The following VAV2 variants were observed in gnomAD, a reference collection of about 807,000 sequenced individuals.
The protein encoded by VAV2 is guanine nucleotide exchange factor VAV2.
A neutral mutation model predicts 132.5 loss-of-function variants in VAV2; 67 were observed. The ratio of observed to expected loss-of-function variants is 0.51; its 90% confidence interval spans 0.42 to 0.62. The LOEUF (loss-of-function observed/expected upper bound fraction) is 0.62. VAV2 is among the 20% of genes least tolerant of loss of function. The pLI, the probability that VAV2 is intolerant of heterozygous loss-of-function variation, is 0.00. For missense variants in VAV2, 938 were observed against 1,153.6 expected (o/e 0.81, Z 2.71); for synonymous variants, 492 against 443.5 (o/e 1.11, Z -1.37).
At chr9:133,934,306 T>C (rs1376736413) in intron 2 of VAV2, among the ~76,000 whole-genome samples, 4 of 152,066 alleles carry the variant, frequency 2.6e-5, no homozygotes, top group South Asian at 4.2e-4. Context: ...CCTTAAATAA[T>C]AGGGGAAACG....
chr9:133,781,605 C>T (rs570301822), intron 19 of VAV2, among the ~76,000 whole-genome samples: 1 of 152,344 alleles, frequency 6.6e-6, no homozygotes, highest in South Asian at 2.1e-4. Context: ...GGGCAGCAAA[C>T]AGCTAAACCA....
intron 29 of VAV2, among the ~76,000 whole-genome samples, chr9:133,764,766 T>C (rs1330358722): frequency 6.6e-6 from 1 of 152,014 alleles, no homozygotes; most frequent in Non-Finnish European, 1.5e-5. Flanking sequence ...TATGAGGCCA[T>C]GGTAAAAAGT....
chr9:133,906,422 C>A lies in VAV2; in HGVS notation c.321+32681G>T, dbSNP rs1012310254. Among the ~76,000 whole-genome samples, 7 of 152,238 alleles carry A rather than the reference C, an allele frequency of 4.6e-5. No individual in the cohort carries two copies. The East Asian group carries it at 1.2e-3, about 25-fold the overall frequency. On this transcript the variant is annotated intron_variant, in intron 2 of 29. Transcript: ENST00000371850. The stretch of plus-strand genomic sequence containing the variant: ...AGGCCCATCACAGTCCTCCGGGGAG[C>A]CGCCCCCGCCCTGCCCACTCGCCCC...
At chr9:133,917,759 A>G (rs113216812) in intron 2 of VAV2, among the ~76,000 whole-genome samples, 50 of 152,344 alleles carry the variant, frequency 3.3e-4, no homozygotes, top group African/African-American at 1.2e-3. Flanking sequence ...ACACTGACCT[A>G]TGCTGGGCCC....
At chr9:133,901,091 T>C (rs910765840) in intron 2 of VAV2, among the ~76,000 whole-genome samples, 2 of 151,454 alleles carry the variant, frequency 1.3e-5, no homozygotes, top group African/African-American at 2.4e-5. Context: ...TGAGCCACCG[T>C]GCCCAGCCTC....
chr9:133,812,175 C>T lies in VAV2; in HGVS notation c.491G>A (p.Cys164Tyr). 1 of 1,614,014 alleles carries T rather than the reference C, an allele frequency of 6.2e-7. No homozygotes were observed. Among genetic ancestry groups the T allele is most frequent in the Non-Finnish European group, 8.5e-7 (1 of 1,180,008 alleles). ...LGEDIYDCVP[C>Y]EDGGDDIYED... ...GTAGATGTCGTCCCCTCCATCCTCA[C>T]ACGGGACGCAGTCGTAGATGTCCTC... is the stretch of plus-strand genomic sequence containing the variant. Residue 164 changes from cysteine (C) to tyrosine (Y), a missense_variant, in exon 5 of 30, where the codon TGT (cysteine) becomes TAT (tyrosine). Cys to Tyr is a radical substitution (Grantham distance 194, BLOSUM62 -2). Transcript: ENST00000371850.
At chr9:133,955,909 C>A (rs1039156259) in intron 1 of VAV2, among the ~76,000 whole-genome samples, 1 of 149,466 alleles carries the variant, frequency 6.7e-6, no homozygotes, top group African/African-American at 2.5e-5. Flanking sequence ...CAGTTCCTGC[C>A]GCTTCCGCTC....
rs773763372 is a variant in VAV2 at position 133,863,995 on chromosome 9, GGACA to G, written c.322-2567_322-2564del. ...TCTGGCTGTGCCCACCCCACTCCCA[GGACA>G]GACAGAGAGCTGGGTGTCCCCAGGG... On this transcript the variant is annotated intron_variant, in intron 2 of 29. Transcript: ENST00000371850. This position sits in a 1 kb window ranked among gnomAD's most constrained non-coding sequence, Gnocchi z 5.0. Among the ~76,000 whole-genome samples, 37 of 152,274 alleles carry G rather than the reference GGACA, an allele frequency of 2.4e-4. No individual in the cohort carries two copies. Among genetic ancestry groups the G allele is most frequent in the Non-Finnish European group, 5.0e-4 (34 of 67,990 alleles).
intron 2 of VAV2, among the ~76,000 whole-genome samples, chr9:133,877,976 C>T (rs879575455): frequency 7.9e-5 from 12 of 152,220 alleles, no homozygotes; most frequent in African/African-American, 1.9e-4. Flanking sequence ...TCTGAACTCC[C>T]GCAGGAGTGC....
At chr9:133,956,981 G>A (rs1188510461) in intron 1 of VAV2, among the ~76,000 whole-genome samples, 1 of 152,150 alleles carries the variant, frequency 6.6e-6, no homozygotes, top group Non-Finnish European at 1.5e-5. Flanking sequence ...TCACAAAAAG[G>A]GCAGACTGCA....
In VAV2 at chr9:133,783,470, G is replaced by A. The variant is rs904315702; in HGVS notation, c.1723+33C>T. 12 of 1,557,430 alleles carry A rather than the reference G, an allele frequency of 7.7e-6. No homozygotes were observed. In the East Asian group the frequency reaches 2.4e-4, roughly 31 times the overall value. On this transcript the variant is annotated intron_variant, in intron 19 of 29. Coordinates refer to ENST00000371850, the MANE Select transcript of VAV2 (RefSeq NM_001134398.2). ...GGCAGAAGTGAGCAGGCGTGGCCAG[G>A]GACTGGGGTGGGGGGGTGAGGGGGG...
intron 3 of VAV2, among the ~76,000 whole-genome samples, chr9:133,849,037 G>C (rs1837064069): frequency 6.6e-6 from 1 of 152,248 alleles, no homozygotes. Flanking sequence ...ATGTTACCCA[G>C]CTGCGCAGAT....
intron 19 of VAV2, among the ~76,000 whole-genome samples, chr9:133,782,426 G>C (rs929765553): frequency 6.6e-6 from 1 of 152,160 alleles, no homozygotes; most frequent in African/African-American, 2.4e-5. Flanking sequence ...CAGGGGCTGC[G>C]GGATCCTGTG....
chr9:133,960,046 C>A (rs938359258), intron 1 of VAV2, among the ~76,000 whole-genome samples: 4 of 152,222 alleles, frequency 2.6e-5, no homozygotes, highest in African/African-American at 9.7e-5. Context: ...GCCCCCAAAC[C>A]TTACAACCGC....
At position 133,769,520 on chromosome 9, in the gene VAV2, G is replaced by C; in HGVS notation, c.2348-17C>G. 6.2e-7 allele frequency: 1 copy of C among 1,606,456 alleles called. No homozygotes were observed. Among genetic ancestry groups the C allele is most frequent in the Non-Finnish European group, 8.5e-7 (1 of 1,176,466 alleles). On this transcript the variant is annotated splice_polypyrimidine_tract_variant and intron_variant, in intron 27 of 29. Coordinates refer to ENST00000371850, the MANE Select transcript of VAV2 (RefSeq NM_001134398.2). This position sits in a 1 kb window ranked among gnomAD's most constrained non-coding sequence, Gnocchi z 8.1. Reference sequence around the variant, plus strand: ...CACAGGAAGCTGCAAAGAGGCGAGAGAGAACGTGAGGCGGGCAGCAGGGCA... The same window carrying C: ...CACAGGAAGCTGCAAAGAGGCGAGACAGAACGTGAGGCGGGCAGCAGGGCA...
chr9:133,795,447 C>A (rs746318954), intron 12 of VAV2, among the ~76,000 whole-genome samples: 1 of 152,050 alleles, frequency 6.6e-6, no homozygotes, highest in Non-Finnish European at 1.5e-5. Context: ...GGTTAGGACT[C>A]GGGACACCTG....
chr9:133,939,035 C>T, intron 2 of VAV2, 68 bp downstream of exon 2: 5 of 1,449,018 alleles, frequency 3.5e-6, no homozygotes, highest in Non-Finnish European at 4.9e-6. Context: ...ATCTGGCCCA[C>T]CTGCCGCTGA....
intron 19 of VAV2, among the ~76,000 whole-genome samples, chr9:133,782,118 G>A (rs1459098230): frequency 1.3e-5 from 2 of 151,648 alleles, no homozygotes; most frequent in Non-Finnish European, 2.9e-5. Flanking sequence ...GGGCGGGGGA[G>A]GAACAGAAAG....
rs1394593654 is a variant in VAV2 at position 133,762,262 on chromosome 9, G to A, written c.*1800C>T. On this transcript the variant is annotated 3_prime_UTR_variant, in exon 30 of 30. Coordinates refer to ENST00000371850, the MANE Select transcript of VAV2 (RefSeq NM_001134398.2). This position sits in a 1 kb window ranked among gnomAD's most constrained non-coding sequence, Gnocchi z 5.0. ...AAATTATTTTTTCTCAGTGTCCTTC[G>A]TGATCATGATGACTTATTTGTCAAC... is the stretch of plus-strand genomic sequence containing the variant. 2.6e-5 allele frequency: 4 copies of A among 152,690 alleles called. No homozygotes were observed. Among genetic ancestry groups the A allele is most frequent in the South Asian group, 4.1e-4 (2 of 4,826 alleles). The allele number at this position is 152,690 out of a possible 1,614,324, so 9.5% of individuals were successfully genotyped here. A position where few individuals can be genotyped will look rare whatever the true frequency, so the allele number is the denominator to read the frequency against.
Sources: allele counts gnomAD v4.1 joint callset (sites outside exome capture counted in the v4.1 genomes callset), GRCh38; gene constraint gnomAD v4.1.1; non-coding constraint Gnocchi (gnomAD v3.1); transcripts MANE v1.5; gene names NCBI Gene and HGNC (gene_info 2026-07-23, HGNC 2026-07-21).